KAZN: variants seen among roughly 807,000 people sequenced by gnomAD.
KAZN encodes the protein kazrin, periplakin interacting protein, also known as kazrin.
KAZN carries 40 observed loss-of-function variants against 87.4 expected under a neutral mutation model. The observed-to-expected ratio is 0.46, with a 90% CI of 0.36 to 0.60. The LOEUF is 0.60. Among genes scored for constraint, KAZN ranks in the 20% least tolerant of loss-of-function variants. The pLI is 0.00. For missense variants in KAZN, 898 were observed against 1,073.9 expected (o/e 0.84, Z 2.29); for synonymous variants, 466 against 458.3 (o/e 1.02, Z -0.22).
intron 1 of KAZN, among the ~76,000 whole-genome samples, chr1:13,955,952 G>T (rs926047662): frequency 6.6e-6 from 1 of 152,100 alleles, no homozygotes; most frequent in African/African-American, 2.4e-5. Flanking sequence ...TCTAAGAAAC[G>T]TCCTTCTATT....
chr1:15,032,491 T>A (rs1671834338), intron 2 of KAZN, among the ~76,000 whole-genome samples: 1 of 151,944 alleles, frequency 6.6e-6, no homozygotes, highest in African/African-American at 2.4e-5. Context: ...CGCGCCCAGC[T>A]GTGGACATTT....
intron 2 of KAZN, among the ~76,000 whole-genome samples, chr1:14,197,648 A>T (rs1646555769): frequency 6.6e-6 from 1 of 152,182 alleles, no homozygotes; most frequent in Admixed American, 6.5e-5. Context: ...AGATCACACC[A>T]CTACACTTCA....
At chr1:14,346,610 C>T (rs1047251351) in intron 2 of KAZN, among the ~76,000 whole-genome samples, 25 of 152,124 alleles carry the variant, frequency 1.6e-4, no homozygotes, top group African/African-American at 4.6e-4. Flanking sequence ...TAAGATATGA[C>T]TTCCAGCGCT....
intron 1 of KAZN, among the ~76,000 whole-genome samples, chr1:14,684,951 C>T (rs1640869201): frequency 6.6e-6 from 1 of 152,188 alleles, no homozygotes; most frequent in East Asian, 1.9e-4. Context: ...ATTATACAGG[C>T]TACCACAGAT....
chr1:14,071,279 T>A (rs922797930), intron 1 of KAZN, among the ~76,000 whole-genome samples: 1 of 152,188 alleles, frequency 6.6e-6, no homozygotes, highest in Non-Finnish European at 1.5e-5. Context: ...CATCTATGTT[T>A]CTGACCCTGT....
chr1:14,362,674 C>T lies in KAZN; in HGVS notation c.249+182082C>T, dbSNP rs780761585. 1.3e-4 allele frequency among the ~76,000 whole-genome samples: 20 copies of T among 152,132 alleles called. 1 individual carries two copies. The highest frequency in any genetic ancestry group is 8.5e-4 in the Admixed American group (13 of 15,274). On this transcript the variant is annotated intron_variant, in intron 2 of 16. Transcript: ENST00000636203. Reference sequence around the variant, plus strand: ...ATAAAGACTGTGTAGCTTAATTCCCCCATCAACACTTTAAGATCAGAATTA... The same window carrying T: ...ATAAAGACTGTGTAGCTTAATTCCCTCATCAACACTTTAAGATCAGAATTA...
chr1:14,883,284 A>T (rs1032407827), intron 1 of KAZN, among the ~76,000 whole-genome samples: 2 of 142,512 alleles, frequency 1.4e-5, no homozygotes, highest in African/African-American at 5.1e-5. Flanking sequence ...AAGAAAAGCG[A>T]AACTCCATCT....
At chr1:15,103,312 C>T in intron 11 of KAZN, 47 bp from the exon 12 acceptor site, 1 of 1,441,232 alleles carries the variant, frequency 6.9e-7, no homozygotes, top group Non-Finnish European at 9.5e-7. Flanking sequence ...CACGTGGCCT[C>T]TGCGTGTCCC....
intron 2 of KAZN, among the ~76,000 whole-genome samples, chr1:14,470,251 A>G (rs555611900): frequency 2.0e-5 from 3 of 149,296 alleles, no homozygotes; most frequent in Non-Finnish European, 4.5e-5. Flanking sequence ...TGTCAACTAG[A>G]CTGATAAAAC....
chr1:14,213,663 A>T, intron 2 of KAZN, among the ~76,000 whole-genome samples: 1 of 152,258 alleles, frequency 6.6e-6, no homozygotes, highest in East Asian at 1.9e-4. Context: ...TTTTACTTTC[A>T]AGAAACCAGT....
chr1:14,126,255 G>T (rs975089787), intron 1 of KAZN, among the ~76,000 whole-genome samples: 1 of 152,116 alleles, frequency 6.6e-6, no homozygotes, highest in African/African-American at 2.4e-5. Flanking sequence ...GTTTCCCTAG[G>T]GGAAGCAGCC....
intron 1 of KAZN, among the ~76,000 whole-genome samples, chr1:14,811,931 T>C (rs1646423205): frequency 6.6e-6 from 1 of 152,118 alleles, no homozygotes; most frequent in African/African-American, 2.4e-5. Context: ...AAGGGCAAGG[T>C]CTTCAAAATC....
At chr1:14,587,957 G>C (rs1274816728) in intron 2 of KAZN, among the ~76,000 whole-genome samples, 1 of 152,148 alleles carries the variant, frequency 6.6e-6, no homozygotes, top group East Asian at 1.9e-4. Context: ...TGTTGCGTTT[G>C]AGTGGAAGGA....
At chr1:14,774,399 T>C (rs1174306638) in intron 1 of KAZN, among the ~76,000 whole-genome samples, 1 of 151,208 alleles carries the variant, frequency 6.6e-6, no homozygotes, top group Non-Finnish European at 1.5e-5. Flanking sequence ...TCCGCTTATC[T>C]CCTCCCTTTC....
At chr1:14,841,485 C>A (rs1326303996) in intron 1 of KAZN, among the ~76,000 whole-genome samples, 1 of 146,784 alleles carries the variant, frequency 6.8e-6, no homozygotes, top group Non-Finnish European at 1.5e-5. Flanking sequence ...AGGGAGAGGA[C>A]ACTCCCTGGC....
At chr1:14,293,089 G>GA (rs1653840757) in intron 2 of KAZN, among the ~76,000 whole-genome samples, 2 of 152,314 alleles carry the variant, frequency 1.3e-5, no homozygotes, top group South Asian at 4.1e-4. Flanking sequence ...TAAGCCTCAT[G>GA]AAAATGTGGC....
chr1:15,112,707 C>T, intron 14 of KAZN, 166 bp downstream of exon 14: 2 of 522,280 alleles, frequency 3.8e-6, no homozygotes, highest in Admixed American at 6.5e-5. Context: ...TTCAAGGAAC[C>T]TTCACGATGC....
intron 2 of KAZN, among the ~76,000 whole-genome samples, chr1:14,529,218 C>T (rs897182578): frequency 1.3e-5 from 2 of 152,130 alleles, no homozygotes; most frequent in African/African-American, 4.8e-5. Context: ...GCAGGAGAAT[C>T]GCTTGAACCT....
Position 15,065,714 on chromosome 1 carries a change from G to A in KAZN, c.1183G>A (p.Gly395Arg). ...FGSISRVFAR[G>R]KQRKSLDPGL... is the part of the protein sequence containing the mutation. The stretch of plus-strand genomic sequence containing the variant: ...CTCCATCTCCCGCGTCTTCGCCAGA[G>A]GGAAGCAGCGGAAGTCCCTCGACCC... The change falls in exon 8 of 15, where the codon GGG (glycine) becomes AGG (arginine). Residue 395 changes from glycine (G) to arginine (R), a missense_variant. This residue lies in a region of KAZN where 521 missense variants were observed against 689.4 expected (regional missense o/e 0.76). Transcript: ENST00000376030. 1 of 1,614,266 alleles carries A rather than the reference G, an allele frequency of 6.2e-7. No homozygotes were observed. Among genetic ancestry groups the A allele is most frequent in the Non-Finnish European group, 8.5e-7 (1 of 1,180,042 alleles).
Sources: gnomAD v4.1 joint callset for allele counts (sites outside exome capture counted in the v4.1 genomes callset) on GRCh38, gnomAD v4.1.1 for gene constraint, gnomAD v4.1.1 regional missense constraint, MANE v1.5 for transcripts, NCBI Gene and HGNC (gene_info 2026-07-23, HGNC 2026-07-21) for gene names.